The following FBXO40 variants were observed in gnomAD, a reference collection of about 807,000 sequenced individuals.
The protein encoded by FBXO40 is F-box only protein 40.
A neutral mutation model predicts 49.9 loss-of-function variants in FBXO40; 50 were observed. That is an observed-to-expected ratio of 1.00 (90% CI 0.80 to 1.27). The LOEUF is 1.27. FBXO40 is among the 50% of genes most tolerant of loss of function. FBXO40 has a pLI of 0.00. For synonymous variants in FBXO40, 340 were observed against 320.2 expected (o/e 1.06, Z -0.66); for missense variants, 895 against 870.1 (o/e 1.03, Z -0.36).
chr3:121,623,054 C>A lies in FBXO40; in HGVS notation c.1625C>A (p.Thr542Asn), dbSNP rs771478160. ...AKVIYSQELK[T>N]FAIKPEVAPE... ...GTAATCTATAGCCAGGAGCTCAAGA[C>A]CTTTGCCATTAAGCCGGAGGTTGCT... The change falls in exon 3 of 4, where the codon ACC becomes AAC. Residue 542 changes from threonine to asparagine, a missense_variant. Transcript: ENST00000338040. 2 of 1,614,204 alleles carry A rather than the reference C, an allele frequency of 1.2e-6. No individual in the cohort carries two copies. The highest frequency in any genetic ancestry group is 1.7e-6 in the Non-Finnish European group (2 of 1,180,044).
chr3:121,618,386 G>GTTTT (rs34900150), intron 1 of FBXO40, among the ~76,000 whole-genome samples: 5 of 120,220 alleles, frequency 4.2e-5, no homozygotes, highest in Middle Eastern at 4.7e-3. Flanking sequence ...TTTCCTTCTT[G>GTTTT]TTTTTTTTTT....
At chr3:121,614,875 CA>C (rs1258865704) in intron 1 of FBXO40, among the ~76,000 whole-genome samples, 1 of 152,224 alleles carries the variant, frequency 6.6e-6, no homozygotes, top group Non-Finnish European at 1.5e-5. Context: ...ACGACCCAGA[CA>C]CCAAGAGTGG....
intron 1 of FBXO40, among the ~76,000 whole-genome samples, chr3:121,599,725 T>TATATA (rs1491480445): frequency 3.4e-4 from 14 of 40,730 alleles, no homozygotes; most frequent in East Asian, 1.8e-3. Context: ...TATATATATA[T>TATATA]TTTTTTTTTT....
rs540226761 is a variant in FBXO40 at position 121,594,027 on chromosome 3, G to A, written c.-31+525G>A. Among the ~76,000 whole-genome samples the A allele has an allele frequency of 2.0e-5, 3 of 151,964 alleles. No homozygotes were observed. The East Asian group carries it at 5.8e-4, about 29-fold the overall frequency. On this transcript the variant is annotated intron_variant, in intron 1 of 3. Coordinates refer to ENST00000338040, the MANE Select transcript of FBXO40 (RefSeq NM_016298.4). ...ACTACAGGCACATGCCACCACATCC[G>A]GCCAATTTTTGTATTTTTTTAGTAG...
At chr3:121,624,438 T>C (rs2049051289) in intron 3 of FBXO40, among the ~76,000 whole-genome samples, 1 of 152,154 alleles carries the variant, frequency 6.6e-6, no homozygotes, top group Non-Finnish European at 1.5e-5. Flanking sequence ...TTCATCTGTG[T>C]ATGTGTGCTG....
Position 121,621,737 on chromosome 3 carries a change from C to T in FBXO40, c.308C>T (p.Pro103Leu). ...TGCTCCATGGAGTGGAACCGCTGGC[C>T]AAATGTGGACTCTGAAACCACCCTT... ...VCCSMEWNRW[P>L]NVDSETTLHE... The change falls in exon 3 of 4, where the codon CCA becomes CTA. Residue 103 changes from proline (P) to leucine (L), a missense_variant. Coordinates refer to ENST00000338040, the MANE Select transcript of FBXO40 (RefSeq NM_016298.4). 6.2e-7 allele frequency: 1 copy of T among 1,614,208 alleles called. No individual in the cohort carries two copies. Among genetic ancestry groups the T allele is most frequent in the Non-Finnish European group, 8.5e-7 (1 of 1,180,038 alleles).
At chr3:121,621,305 T>C in intron 2 of FBXO40, 128 bp from the exon 3 acceptor site, 1 of 757,886 alleles carries the variant, frequency 1.3e-6, no homozygotes, top group South Asian at 2.0e-5. Flanking sequence ...ATATTCCATA[T>C]ATTTCAAGGT....
At chr3:121,597,085 G>A (rs924524045) in intron 1 of FBXO40, among the ~76,000 whole-genome samples, 101 of 152,238 alleles carry the variant, frequency 6.6e-4, no homozygotes, top group African/African-American at 2.0e-3. Flanking sequence ...CCCATCATTG[G>A]AACCTCTCTC....
At chr3:121,607,423 C>T (rs1181114289) in intron 1 of FBXO40, among the ~76,000 whole-genome samples, 3 of 147,596 alleles carry the variant, frequency 2.0e-5, no homozygotes, top group Non-Finnish European at 3.0e-5. Context: ...CATTCTCCTG[C>T]CTCAGCCTCC....
rs142982539 is a variant in FBXO40, at chr3:121,621,979, G to A, written c.550G>A (p.Gly184Ser). ...GGVDIGLVPH[G>S]LSATNGEMAE... ...AGTGGATATCGGTTTGGTACCACAT[G>A]GTCTGTCAGCAACTAATGGGGAGAT... Residue 184 changes from glycine (G) to serine (S), a missense_variant, in exon 3 of 4, where the codon GGT (glycine) becomes AGT (serine). Coordinates refer to ENST00000338040, the MANE Select transcript of FBXO40 (RefSeq NM_016298.4). 38 of 1,614,082 alleles carry A rather than the reference G, an allele frequency of 2.4e-5. No individual in the cohort carries two copies. Among genetic ancestry groups the A allele is most frequent in the Non-Finnish European group, 3.1e-5 (37 of 1,180,040 alleles).
intron 3 of FBXO40, among the ~76,000 whole-genome samples, chr3:121,625,494 T>C (rs1169381641): frequency 1.3e-5 from 2 of 152,266 alleles, no homozygotes; most frequent in South Asian, 2.1e-4. Flanking sequence ...CTCTTGTATA[T>C]GTGCCTGCAT....
intron 1 of FBXO40, among the ~76,000 whole-genome samples, chr3:121,606,679 A>G (rs1218463918): frequency 6.6e-6 from 1 of 152,232 alleles, no homozygotes; most frequent in Non-Finnish European, 1.5e-5. Context: ...TTAATGCAAA[A>G]GGACTTAATT....
chr3:121,616,113 C>T (rs1283654612), intron 1 of FBXO40, among the ~76,000 whole-genome samples: 1 of 152,198 alleles, frequency 6.6e-6, no homozygotes, highest in East Asian at 1.9e-4. Flanking sequence ...TCCTCTCCTT[C>T]TCTGGCTTTA....
Position 121,621,831 on chromosome 3 carries a change from G to T in FBXO40, c.402G>T (p.Gln134His). The T allele has an allele frequency of 6.2e-7, 1 of 1,614,220 alleles. No individual in the cohort carries two copies. The highest frequency in any genetic ancestry group is 8.5e-7 in the Non-Finnish European group (1 of 1,180,036). Residue 134 changes from glutamine (Q) to histidine (H), a missense_variant, in exon 3 of 4, where the codon CAG (glutamine) becomes CAT (histidine). Physicochemically the swap from Gln to His is conservative, Grantham distance 24 (BLOSUM62 0). Transcript: ENST00000338040. ...ACACAGCCCTGGCCCTGCAGGATCA[G>T]AAGGTCCTCTTCAGATCCTTGAAAA... Reference protein sequence around the residue: ...CLDTALALQDQKVLFRSLKMV... With the variant: ...CLDTALALQDHKVLFRSLKMV...
chr3:121,625,373 G>A (rs2049056714), intron 3 of FBXO40, among the ~76,000 whole-genome samples: 1 of 152,190 alleles, frequency 6.6e-6, no homozygotes, highest in South Asian at 2.1e-4. Context: ...TGGCACTGGG[G>A]AGTTAGAGTT....
At chr3:121,625,995 C>G (rs2049059954) in intron 3 of FBXO40, among the ~76,000 whole-genome samples, 1 of 152,214 alleles carries the variant, frequency 6.6e-6, no homozygotes, top group Non-Finnish European at 1.5e-5. Flanking sequence ...TAGAATTCTC[C>G]TATGGGGTTC....
intron 1 of FBXO40, among the ~76,000 whole-genome samples, chr3:121,606,882 G>A (rs1265987457): frequency 6.6e-6 from 1 of 152,134 alleles, no homozygotes; most frequent in Non-Finnish European, 1.5e-5. Context: ...CCAAGGATAG[G>A]TATTGGGTTA....
Position 121,622,724 on chromosome 3 carries a change from A to T in FBXO40, c.1295A>T (p.Asn432Ile). ...LFMDFATQTY[N>I]FEPEQFSSGT... ...ATGGATTTTGCCACACAAACATACA[A>T]CTTTGAGCCAGAACAGTTTTCCTCT... The change falls in exon 3 of 4, where the codon AAC becomes ATC. Residue 432 changes from asparagine (N) to isoleucine (I), a missense_variant. Transcript: ENST00000338040. 2 of 1,614,188 alleles carry T rather than the reference A, an allele frequency of 1.2e-6. No homozygotes were observed. The highest frequency in any genetic ancestry group is 1.7e-6 in the Non-Finnish European group (2 of 1,180,034).
At chr3:121,599,468 C>CAAAA (rs35637771) in intron 1 of FBXO40, among the ~76,000 whole-genome samples, 1 of 91,674 alleles carries the variant, frequency 1.1e-5, no homozygotes, top group African/African-American at 4.4e-5. Flanking sequence ...GACTCTGACT[C>CAAAA]AAAAAAAAAA....
Sources: gnomAD v4.1 joint callset for allele counts (sites outside exome capture counted in the v4.1 genomes callset) on GRCh38, gnomAD v4.1.1 for gene constraint, MANE v1.5 for transcripts, NCBI Gene and HGNC (gene_info 2026-07-23, HGNC 2026-07-21) for gene names.